PLPP1: variants seen among roughly 807,000 people sequenced by gnomAD.
The protein encoded by PLPP1 is phospholipid phosphatase 1.
In PLPP1, 24 loss-of-function variants were observed where a neutral mutation model predicts 31.2. The ratio of observed to expected loss-of-function variants is 0.77; its 90% CI spans 0.56 to 1.08. PLPP1 has a LOEUF of 1.08. Among genes scored for constraint, PLPP1 ranks in the 50% least tolerant of loss-of-function variants. The pLI, the probability that PLPP1 is intolerant of heterozygous loss-of-function variation, is 0.00. For synonymous variants in PLPP1, 146 were observed against 126.3 expected (o/e 1.16, Z -1.05); for missense variants, 319 against 342.7 (o/e 0.93, Z 0.55).
chr5:55,449,432 C>T (rs1265289881), intron 3 of PLPP1, among the ~76,000 whole-genome samples: 2 of 152,084 alleles, frequency 1.3e-5, no homozygotes, highest in East Asian at 3.8e-4. Context: ...CAAATCTCTT[C>T]CCCGCCAAAT....
At chr5:55,497,251 AT>A (rs113222396) in intron 1 of PLPP1, among the ~76,000 whole-genome samples, 1,563 of 150,610 alleles carry the variant, frequency 0.01, 21 homozygotes, top group African/African-American at 0.036. Context: ...CCTCAAAGAA[AT>A]TTTTTTTTTA....
intron 1 of PLPP1, among the ~76,000 whole-genome samples, chr5:55,501,069 C>T (rs1201882612): frequency 6.6e-6 from 1 of 152,174 alleles, no homozygotes; most frequent in East Asian, 1.9e-4. Context: ...AACCCCAGCA[C>T]GTTGGGAGGC....
chr5:55,498,791 T>A (rs1753057522), intron 1 of PLPP1, among the ~76,000 whole-genome samples: 1 of 151,968 alleles, frequency 6.6e-6, no homozygotes, highest in South Asian at 2.1e-4. Context: ...TTTCTCACGC[T>A]GTTTTCCATT....
chr5:55,490,144 C>CTTTTTTTTTTT (rs896241457), intron 1 of PLPP1, among the ~76,000 whole-genome samples: 87 of 83,290 alleles, frequency 1.0e-3, no homozygotes, highest in Non-Finnish European at 1.3e-3. Flanking sequence ...CTTTTCTTTT[C>CTTTTTTTTTTT]TTTTTTTTTT....
chr5:55,443,343 C>T (rs1158826341), intron 3 of PLPP1, among the ~76,000 whole-genome samples: 1 of 150,816 alleles, frequency 6.6e-6, no homozygotes, highest in South Asian at 2.1e-4. Flanking sequence ...TGTAATTAAA[C>T]CCAATAATTA....
At chr5:55,456,562 T>C (rs948371216) in intron 3 of PLPP1, among the ~76,000 whole-genome samples, 2 of 152,194 alleles carry the variant, frequency 1.3e-5, no homozygotes, top group African/African-American at 4.8e-5. Context: ...TAAAAAACTA[T>C]AGACAATATT....
At chr5:55,467,715 TGATGA>T (rs1380382049) in intron 3 of PLPP1, among the ~76,000 whole-genome samples, 149 bp downstream of exon 3, 2 of 152,034 alleles carry the variant, frequency 1.3e-5, no homozygotes, top group Non-Finnish European at 2.9e-5. Flanking sequence ...GAAAAAGGCA[TGATGA>T]GAGAGAACAA....
intron 1 of PLPP1, among the ~76,000 whole-genome samples, chr5:55,523,964 T>C (rs1561257601): frequency 6.6e-6 from 1 of 152,234 alleles, no homozygotes; most frequent in South Asian, 2.1e-4. Context: ...GTAATTGTCT[T>C]ATATACACTG....
At chr5:55,441,064 C>A (rs1229237025) in intron 4 of PLPP1, among the ~76,000 whole-genome samples, 1 of 152,046 alleles carries the variant, frequency 6.6e-6, no homozygotes, top group African/African-American at 2.4e-5. Context: ...TTTATTAATA[C>A]TTTATATGTA....
At chr5:55,491,076 A>G (rs1752878369) in intron 1 of PLPP1, 3 of 1,614,014 alleles carry the variant, frequency 1.9e-6, no homozygotes, top group Non-Finnish European at 2.5e-6. Context: ...TGAAATGGAT[A>G]TATTTGGCCC....
At chr5:55,429,407 G>A (rs2111663422) in intron 4 of PLPP1, among the ~76,000 whole-genome samples, 2 of 152,236 alleles carry the variant, frequency 1.3e-5, no homozygotes, top group South Asian at 4.1e-4. Context: ...TAAGGAGAGG[G>A]AAGCAAGGCA....
intron 1 of PLPP1, among the ~76,000 whole-genome samples, chr5:55,529,889 A>C (rs1740603747): frequency 6.6e-6 from 1 of 152,230 alleles, no homozygotes; most frequent in Non-Finnish European, 1.5e-5. Context: ...ATATTACAAA[A>C]AGATAAAGTA....
intron 1 of PLPP1, chr5:55,491,244 C>T (rs1037950443): frequency 1.1e-6 from 1 of 906,440 alleles, no homozygotes; most frequent in South Asian, 1.8e-5. Flanking sequence ...TCCATTATAC[C>T]CAAGGGCAAA....
rs571365372 is a variant in PLPP1 at position 55,493,658 on chromosome 5, C to T, written c.59-18208G>A. Among the ~76,000 whole-genome samples the T allele has an allele frequency of 8.6e-5, 13 of 152,042 alleles. No homozygotes were observed. In the South Asian group the frequency reaches 1.2e-3, roughly 15 times the overall value. On this transcript the variant is annotated intron_variant, in intron 1 of 5. Transcript: ENST00000307259. ...ATCCCAGCACTTTGGGAAGCCGAGG[C>T]GGGTGGATCACAAGGTCAGGAGATC...
chr5:55,503,256 C>T (rs1024054614), intron 1 of PLPP1, among the ~76,000 whole-genome samples: 1 of 152,146 alleles, frequency 6.6e-6, no homozygotes, highest in Non-Finnish European at 1.5e-5. Context: ...CCAGGTATTA[C>T]AATATTTATG....
intron 3 of PLPP1, among the ~76,000 whole-genome samples, chr5:55,467,359 G>C (rs1263160452): frequency 6.6e-6 from 1 of 151,968 alleles, no homozygotes; most frequent in East Asian, 1.9e-4. Context: ...TTCCATAGTT[G>C]TGAAAGAGAC....
At chr5:55,517,599 A>G (rs2111927321) in intron 1 of PLPP1, among the ~76,000 whole-genome samples, 1 of 152,348 alleles carries the variant, frequency 6.6e-6, no homozygotes. Context: ...AATCTAGAAT[A>G]CGGACCTAAT....
At chr5:55,438,175 T>C (rs1751537365) in intron 4 of PLPP1, among the ~76,000 whole-genome samples, 1 of 151,242 alleles carries the variant, frequency 6.6e-6, no homozygotes, top group Admixed American at 6.6e-5. Flanking sequence ...TGAAAGAAAA[T>C]ACAGACTCAT....
At chr5:55,454,917 C>T (rs1246881039) in intron 3 of PLPP1, among the ~76,000 whole-genome samples, 1 of 152,104 alleles carries the variant, frequency 6.6e-6, no homozygotes, top group Non-Finnish European at 1.5e-5. Context: ...AATGTAAAGC[C>T]AGTTGTACTA....
Sources: gnomAD v4.1 joint callset for allele counts (sites outside exome capture counted in the v4.1 genomes callset) on GRCh38, gnomAD v4.1.1 for gene constraint, MANE v1.5 for transcripts, NCBI Gene and HGNC (gene_info 2026-07-23, HGNC 2026-07-21) for gene names.